ITIH4: variants seen among roughly 807,000 people sequenced by gnomAD.
ITIH4 encodes the protein inter-alpha-trypsin inhibitor heavy chain H4.
ITIH4 carries 79 observed loss-of-function variants against 111.8 expected under a neutral mutation model. The ratio of observed to expected loss-of-function variants is 0.71; its 90% confidence interval spans 0.59 to 0.85. The LOEUF is 0.85. ITIH4 is among the 40% of genes least tolerant of loss of function. The pLI is 0.00. For missense variants in ITIH4, 1,065 were observed against 1,195.8 expected (o/e 0.89, Z 1.61); for synonymous variants, 472 against 468.3 (o/e 1.01, Z -0.10).
intron 11 of ITIH4, among the ~76,000 whole-genome samples, chr3:52,821,703 G>C (rs146976782): frequency 4.6e-5 from 7 of 152,318 alleles, no homozygotes; most frequent in South Asian, 2.1e-4. Flanking sequence ...CCCAAGCTCT[G>C]TGTGAACCTG....
chr3:52,817,161 C>A, intron 20 of ITIH4, 103 bp from the exon 21 acceptor site: 1 of 925,712 alleles, frequency 1.1e-6, no homozygotes, highest in Non-Finnish European at 1.6e-6. Flanking sequence ...AGTTCTGCAG[C>A]AGCTCCCTCC....
At chr3:52,819,295 GC>G (rs1260694771) in intron 17 of ITIH4, 97 bp downstream of exon 17, 19 of 1,404,926 alleles carry the variant, frequency 1.4e-5, no homozygotes, top group Non-Finnish European at 1.9e-5. Flanking sequence ...CCCTGGCCTG[GC>G]CCTGTGGTGC....
chr3:52,816,129 G>C (rs529328518), intron 21 of ITIH4, among the ~76,000 whole-genome samples: 60 of 152,352 alleles, frequency 3.9e-4, no homozygotes, highest in African/African-American at 1.3e-3. Flanking sequence ...GGAAAAGGGT[G>C]AGCTGTGGCA....
chr3:52,821,005 C>A lies in ITIH4; in HGVS notation c.1665G>T (p.Gln555His), dbSNP rs773100211. The change falls in exon 12 of 24, where the codon CAG (glutamine) becomes CAT (histidine). Residue 555 changes from glutamine (Q) to histidine (H), a missense_variant. Transcript: ENST00000266041. Reference protein sequence around the residue: ...ERLWAYLTIQQLLEQTVSASD... With the variant: ...ERLWAYLTIQHLLEQTVSASD... Reference sequence around the variant, plus strand: ...GATGCACTCACGTTTGCTCCAGCAGCTGCTGGATAGTCAGGTATGCCCAGA... The same window carrying A: ...GATGCACTCACGTTTGCTCCAGCAGATGCTGGATAGTCAGGTATGCCCAGA... 8.1e-6 allele frequency: 13 copies of A among 1,613,982 alleles called. No homozygotes were observed. The highest frequency in any genetic ancestry group is 1.1e-5 in the Non-Finnish European group (13 of 1,179,962).
chr3:52,827,180 G>A lies in ITIH4; in HGVS notation c.269C>T (p.Thr90Ile), dbSNP rs1426490666. The A allele has an allele frequency of 6.2e-7, 1 of 1,614,046 alleles. No individual in the cohort carries two copies. Among genetic ancestry groups the A allele is most frequent in the South Asian group, 1.1e-5 (1 of 91,082 alleles). ...TNFSMIIDGM[T>I]YPGIIKEKAE... is the part of the protein sequence containing the mutation. ...CTTCTCCTTGATGATCCCTGGGTAG[G>A]TCATGCCATCGATGATCCTGGGGGC... Residue 90 changes from threonine to isoleucine, a missense_variant, in exon 3 of 24, where the codon ACC becomes ATC. Coordinates refer to ENST00000266041, the MANE Select transcript of ITIH4 (RefSeq NM_002218.5).
At chr3:52,813,636 C>T (rs770943037) in intron 23 of ITIH4, 146 bp from the exon 24 acceptor site, 34 of 726,466 alleles carry the variant, frequency 4.7e-5, no homozygotes, top group Non-Finnish European at 8.0e-5. Flanking sequence ...GCCAACAAGG[C>T]CCAGTCACCC....
chr3:52,818,694 T>C, intron 17 of ITIH4, 158 bp from the exon 18 acceptor site: 1 of 658,972 alleles, frequency 1.5e-6, no homozygotes. Flanking sequence ...CAGAAGAGCA[T>C]GCTGTCAGGG....
intron 21 of ITIH4, among the ~76,000 whole-genome samples, chr3:52,816,467 C>T (rs1700278461): frequency 6.6e-6 from 1 of 152,200 alleles, no homozygotes; most frequent in Admixed American, 6.5e-5. Context: ...CTGTGGGGTG[C>T]TTGGGGGGCA....
Position 52,820,984 on chromosome 3 carries a change from C to A in ITIH4, c.1679+7G>T, listed in dbSNP as rs148956512. The A allele has an allele frequency of 0.013, 20,649 of 1,613,030 alleles. 2,286 individuals carry two copies. The South Asian group carries it at 0.21, about 16-fold the overall frequency. Reference sequence around the variant, plus strand: ...CGACAGGCTTAGGGAGGTGCTGATGCACTCACGTTTGCTCCAGCAGCTGCT... The same window carrying A: ...CGACAGGCTTAGGGAGGTGCTGATGAACTCACGTTTGCTCCAGCAGCTGCT... On this transcript the variant is annotated splice_region_variant and intron_variant, in intron 12 of 23. Coordinates refer to ENST00000266041, the MANE Select transcript of ITIH4 (RefSeq NM_002218.5).
chr3:52,825,154 T>C (rs757923310), intron 6 of ITIH4, 196 bp from the exon 7 acceptor site: 3 of 417,100 alleles, frequency 7.2e-6, no homozygotes, highest in South Asian at 1.4e-4. Context: ...TCCCTGCTCA[T>C]GCATAGCCCA....
In ITIH4 at chr3:52,824,479, C is replaced by G. The variant is rs753883114; in HGVS notation, c.963G>C (p.Gln321His). The G allele has an allele frequency of 6.2e-7, 1 of 1,614,190 alleles. No homozygotes were observed. Among genetic ancestry groups the G allele is most frequent in the South Asian group, 1.1e-5 (1 of 91,082 alleles). The change falls in exon 8 of 24, where the codon CAG (glutamine) becomes CAC (histidine). Residue 321 changes from glutamine (Q) to histidine (H), a missense_variant. Physicochemically the swap from Gln to His is conservative, Grantham distance 24. Coordinates refer to ENST00000266041, the MANE Select transcript of ITIH4 (RefSeq NM_002218.5). The surrounding 1 kb of genome is among the most constrained non-coding windows in gnomAD (Gnocchi z 4.3). ...AGGCTGGCACCAGTGATGGCCTCCACTGAGTTGCTTCTGTACTGAAGACGA... is the reference window on the plus strand; with the variant it reads ...AGGCTGGCACCAGTGATGGCCTCCAGTGAGTTGCTTCTGTACTGAAGACGA... The part of the protein sequence containing the change: ...NLIVFSTEAT[Q>H]WRPSLVPASA...
chr3:52,813,218 G>A lies in ITIH4; in HGVS notation c.*203C>T. On this transcript the variant is annotated 3_prime_UTR_variant, in exon 24 of 24. Coordinates refer to ENST00000266041, the MANE Select transcript of ITIH4 (RefSeq NM_002218.5). ...AGTGGAAGCTTCTGTGTTCCACGAT[G>A]CTAAGGTTCAGGATGCGAGGTTGAG... 1.7e-6 allele frequency: 1 copy of A among 591,900 alleles called. No homozygotes were observed. The highest frequency in any genetic ancestry group is 3.0e-6 in the Non-Finnish European group (1 of 328,190). The allele number at this position is 591,900 out of a possible 1,614,324, so 36.7% of individuals were successfully genotyped here. A position where few individuals can be genotyped will look rare whatever the true frequency, so the allele number is the denominator to read the frequency against.
intron 18 of ITIH4, 34 bp downstream of exon 18, chr3:52,818,428 C>T (rs772367809): frequency 1.1e-5 from 18 of 1,587,792 alleles, no homozygotes; most frequent in Non-Finnish European, 1.5e-5. Context: ...CCAGGATCCC[C>T]CTGTTAGGAC....
At position 52,819,741 on chromosome 3, in the gene ITIH4, AC is replaced by A; in HGVS notation, c.1951+12del. On this transcript the variant is annotated intron_variant, in intron 16 of 23. Transcript: ENST00000266041. Reference sequence around the variant, plus strand: ...GATGTCATGCCTCCCCCTGGCAGAAACCCTCAAACTACCTTGTCTATTCCAT... The same window carrying A: ...GATGTCATGCCTCCCCCTGGCAGAAACCTCAAACTACCTTGTCTATTCCAT... The A allele has an allele frequency of 6.2e-7, 1 of 1,613,628 alleles. No individual in the cohort carries two copies. The highest frequency in any genetic ancestry group is 8.5e-7 in the Non-Finnish European group (1 of 1,179,714).
rs369805093 is a variant in ITIH4 at position 52,826,771 on chromosome 3, G to C, written c.519+20C>G. ...AAGGGTCATGCAGGAGGCCTCCCTG[G>C]AAGAGGTAGCAGCAGGTACCTGCAG... On this transcript the variant is annotated intron_variant, in intron 4 of 23. Transcript: ENST00000266041. 7.4e-6 allele frequency: 12 copies of C among 1,613,556 alleles called. No individual in the cohort carries two copies. The African/African-American group carries it at 1.5e-4, about 20-fold the overall frequency.
intron 21 of ITIH4, among the ~76,000 whole-genome samples, chr3:52,815,689 T>C (rs1436644060): frequency 1.4e-5 from 2 of 145,598 alleles, no homozygotes; most frequent in Admixed American, 1.4e-4. Context: ...ATTTTAGATC[T>C]TTTTTTTTTT....
In ITIH4 at chr3:52,824,914, T is replaced by C. The variant is rs1380388985; in HGVS notation, c.804A>G (p.Leu268=). 3.1e-6 allele frequency: 5 copies of C among 1,614,060 alleles called. No homozygotes were observed. The highest frequency in any genetic ancestry group is 4.2e-6 in the Non-Finnish European group (5 of 1,179,974). ...YFVHYFAPEG[L]TTMPKNVVFV... ...AGACCACATTCTTGGGCATTGTGGT[T>C]AGGCCCTCGGGGGCAAAGTAGTGTA... Residue 268 remains leucine, a synonymous_variant, in exon 7 of 24, where the codon CTA becomes CTG. Transcript: ENST00000266041. This position sits in a 1 kb window ranked among gnomAD's most constrained non-coding sequence, Gnocchi z 4.3.
chr3:52,815,022 T>C lies in ITIH4; in HGVS notation c.2472-659A>G, dbSNP rs553172424. Among the ~76,000 whole-genome samples, 9 of 152,356 alleles carry C rather than the reference T, an allele frequency of 5.9e-5. No individual in the cohort carries two copies. The East Asian group carries it at 1.5e-3, about 26-fold the overall frequency. ...GACTTGTGTTTAATCATGTGTTTAA[T>C]GTCTAAAGGATAGGCCTCTTCTCAT... On this transcript the variant is annotated intron_variant, in intron 21 of 23. Coordinates refer to ENST00000266041, the MANE Select transcript of ITIH4 (RefSeq NM_002218.5).
At chr3:52,816,215 C>T (rs1398596748) in intron 21 of ITIH4, among the ~76,000 whole-genome samples, 2 of 152,176 alleles carry the variant, frequency 1.3e-5, no homozygotes, top group Non-Finnish European at 2.9e-5. Flanking sequence ...TCGTGATCTG[C>T]AAAGCTGGAA....
Sources: gnomAD v4.1 joint callset for allele counts (sites outside exome capture counted in the v4.1 genomes callset) on GRCh38, gnomAD v4.1.1 for gene constraint, Gnocchi (gnomAD v3.1) non-coding constraint, MANE v1.5 for transcripts, NCBI Gene and HGNC (gene_info 2026-07-23, HGNC 2026-07-21) for gene names.